HMGCLL1: variants seen among roughly 807,000 people sequenced by gnomAD.
HMGCLL1 encodes the protein 3-hydroxymethyl-3-methylglutaryl-CoA lyase, cytoplasmic.
Under a neutral mutation model 39.1 loss-of-function variants are expected in HMGCLL1, and 36 were observed. The ratio of observed to expected loss-of-function variants is 0.92; its 90% CI spans 0.71 to 1.22. The LOEUF (loss-of-function observed/expected upper bound fraction) is 1.22, where lower values mean the gene tolerates loss of function less well. Ranked by LOEUF, HMGCLL1 falls within the 50% of genes most tolerant of loss-of-function variation. HMGCLL1 has a pLI of 0.00. For missense variants in HMGCLL1, 451 were observed against 416.5 expected, an observed-to-expected ratio of 1.08 and a Z score of -0.72; for synonymous variants, 149 against 144.0, an observed-to-expected ratio of 1.03 and a Z score of -0.25.
At chr6:55,549,079 T>C (rs1669701557) in intron 1 of HMGCLL1, among the ~76,000 whole-genome samples, 1 of 151,768 alleles carries the variant, frequency 6.6e-6, no homozygotes, top group South Asian at 2.1e-4. Context: ...CTTGTATTCA[T>C]GGCAATTTAA....
chr6:55,439,365 A>G (rs548603814), intron 8 of HMGCLL1, 69 bp downstream of exon 8: 2 of 1,481,222 alleles, frequency 1.4e-6, no homozygotes, highest in East Asian at 2.3e-5. Flanking sequence ...TGCTTCCCAC[A>G]TCTTAGAAGC....
At chr6:55,491,680 G>A (rs1175028255) in intron 7 of HMGCLL1, among the ~76,000 whole-genome samples, 2 of 152,114 alleles carry the variant, frequency 1.3e-5, no homozygotes, top group Non-Finnish European at 2.9e-5. Context: ...GTACTTGGCA[G>A]AAGGGTGAAG....
chr6:55,538,703 C>T (rs150884628), intron 3 of HMGCLL1, among the ~76,000 whole-genome samples: 2 of 152,050 alleles, frequency 1.3e-5, no homozygotes, highest in Admixed American at 1.3e-4. Context: ...TTTTATTTTA[C>T]ATTGAGCACC....
chr6:55,665,863 G>T, the HMGCLL1 span, among the ~76,000 whole-genome samples: 1 of 151,572 alleles, frequency 6.6e-6, no homozygotes, highest in Non-Finnish European at 1.5e-5. Context: ...TTATTTTTCT[G>T]AACTCTAAGT....
At chr6:55,466,422 G>C (rs1764801891) in intron 7 of HMGCLL1, among the ~76,000 whole-genome samples, 1 of 152,070 alleles carries the variant, frequency 6.6e-6, no homozygotes, top group Non-Finnish European at 1.5e-5. Context: ...AATCTGCTTT[G>C]AGAATCTGCA....
the HMGCLL1 span, among the ~76,000 whole-genome samples, chr6:55,586,230 C>T: frequency 6.6e-6 from 1 of 151,954 alleles, no homozygotes; most frequent in Non-Finnish European, 1.5e-5. Flanking sequence ...CAGTAGGTTT[C>T]TCGTTTAACT....
At chr6:55,672,013 G>A in the HMGCLL1 span, among the ~76,000 whole-genome samples, 1 of 151,722 alleles carries the variant, frequency 6.6e-6, no homozygotes, top group Admixed American at 6.6e-5. Context: ...CCAGAAGGGT[G>A]CATAAACTAA....
the HMGCLL1 span, among the ~76,000 whole-genome samples, chr6:55,591,278 G>A: frequency 6.6e-6 from 1 of 151,804 alleles, no homozygotes; most frequent in South Asian, 2.1e-4. Flanking sequence ...TTTCAGTCCT[G>A]ATAACATCAT....
chr6:55,597,862 A>C, the HMGCLL1 span, among the ~76,000 whole-genome samples: 1 of 152,210 alleles, frequency 6.6e-6, no homozygotes, highest in Non-Finnish European at 1.5e-5. Flanking sequence ...TGGTAAGACA[A>C]AGAAATAGAG....
chr6:55,464,407 G>A (rs1010457790), intron 7 of HMGCLL1, among the ~76,000 whole-genome samples: 7 of 152,008 alleles, frequency 4.6e-5, no homozygotes, highest in African/African-American at 4.8e-5. Flanking sequence ...TTAAAAGGCC[G>A]TTTCTACTGC....
chr6:55,615,816 C>T, the HMGCLL1 span, among the ~76,000 whole-genome samples: 1 of 151,978 alleles, frequency 6.6e-6, no homozygotes, highest in East Asian at 1.9e-4. Context: ...AAAGCTTATT[C>T]TTTGGGAAAG....
chr6:55,618,679 C>A, the HMGCLL1 span, among the ~76,000 whole-genome samples: 2 of 151,922 alleles, frequency 1.3e-5, no homozygotes, highest in Non-Finnish European at 2.9e-5. Context: ...AAGAAAGAGT[C>A]TATATGCAAA....
chr6:55,581,033 A>G (rs975076411), upstream of HMGCLL1, among the ~76,000 whole-genome samples: 1 of 152,226 alleles, frequency 6.6e-6, no homozygotes, highest in Non-Finnish European at 1.5e-5. Context: ...TTCAACAACA[A>G]TAATTTAACA....
intron 1 of HMGCLL1, among the ~76,000 whole-genome samples, chr6:55,560,489 G>T (rs1159201253): frequency 6.6e-6 from 1 of 152,150 alleles, no homozygotes; most frequent in African/African-American, 2.4e-5. Flanking sequence ...AAGTTCAGCT[G>T]TGATCTGTAG....
At chr6:55,546,891 AG>A (rs1441451151) in intron 1 of HMGCLL1, among the ~76,000 whole-genome samples, 1 of 152,082 alleles carries the variant, frequency 6.6e-6, no homozygotes, top group Non-Finnish European at 1.5e-5. Context: ...GTGTTTCAAA[AG>A]GCTATGTTTT....
Position 55,542,093 on chromosome 6 carries a change from T to C in HMGCLL1, c.156A>G (p.Glu52=). The C allele has an allele frequency of 1.9e-6, 3 of 1,610,972 alleles. No individual in the cohort carries two copies. Among genetic ancestry groups the C allele is most frequent in the South Asian group, 2.2e-5 (2 of 90,852 alleles). Residue 52 remains glutamate (E), a synonymous_variant, in exon 2 of 9, where the codon GAA becomes GAG. Transcript: ENST00000274901. ...SGLPEFVKIV[E]VGPRDGLQNE... ...TCTGCAATCCATCCCTAGGCCCAAC[T>C]TCTACTATTTTAACAAACTCAGGGA... is the stretch of plus-strand genomic sequence containing the variant.
At chr6:55,552,444 T>C (rs1402922925) in intron 1 of HMGCLL1, among the ~76,000 whole-genome samples, 2 of 152,004 alleles carry the variant, frequency 1.3e-5, no homozygotes, top group East Asian at 1.9e-4. Flanking sequence ...TGATTGACTC[T>C]ATTCTGCAAT....
At chr6:55,521,273 A>C (rs1485108401) in intron 3 of HMGCLL1, among the ~76,000 whole-genome samples, 3 of 152,134 alleles carry the variant, frequency 2.0e-5, no homozygotes, top group Non-Finnish European at 2.9e-5. Context: ...GCATATGAGA[A>C]TGCAGTGATA....
upstream of HMGCLL1, among the ~76,000 whole-genome samples, chr6:55,583,126 C>G (rs1019199964): frequency 2.0e-5 from 3 of 152,088 alleles, no homozygotes; most frequent in African/African-American, 7.2e-5. Context: ...AATACATATA[C>G]AAACCAAATT....
Sources: allele counts gnomAD v4.1 joint callset (sites outside exome capture counted in the v4.1 genomes callset), GRCh38; gene constraint gnomAD v4.1.1; transcripts MANE v1.5; gene names NCBI Gene and HGNC (gene_info 2026-07-23, HGNC 2026-07-21).